C2: variants seen among roughly 807,000 people sequenced by gnomAD.
C2 encodes the protein complement C2.
Under a neutral mutation model 85.2 loss-of-function variants are expected in C2, and 64 were observed. The ratio of observed to expected loss-of-function variants is 0.75; its 90% CI spans 0.61 to 0.92. The LOEUF (loss-of-function observed/expected upper bound fraction) is 0.92, where lower values mean the gene tolerates loss of function less well. C2 is among the 40% of genes least tolerant of loss of function. The pLI is 0.00. For missense variants in C2, 820 were observed against 971.6 expected, an observed-to-expected ratio of 0.84 and a Z score of 2.07; for synonymous variants, 311 against 370.8, an observed-to-expected ratio of 0.84 and a Z score of 1.85.
At chr6:31,900,988 G>A (rs114508013), upstream of C2, 38,544 of 1,614,162 alleles carry the variant, frequency 0.024, 553 homozygotes, top group Non-Finnish European at 0.028. The surrounding 1 kb of genome is among the most constrained non-coding windows in gnomAD (Gnocchi z 9.7). Context: ...GGTAGGAGGC[G>A]GCTGTAAGGT....
At chr6:31,917,317 A>G (rs1366220669), upstream of C2, among the ~76,000 whole-genome samples, 2 of 152,218 alleles carry the variant, frequency 1.3e-5, no homozygotes, top group African/African-American at 4.8e-5. Flanking sequence ...AAAAAATTAA[A>G]TCATGTCCTT....
intron 1 of C2, among the ~76,000 whole-genome samples, chr6:31,912,567 C>T (rs754615576): frequency 2.6e-5 from 4 of 152,128 alleles, no homozygotes; most frequent in East Asian, 1.9e-4. Context: ...AGGCCGGGCA[C>T]GGTGGCTCAC....
intron 9 of C2, among the ~76,000 whole-genome samples, chr6:31,940,624 C>T (rs1362671980): frequency 1.3e-5 from 2 of 152,190 alleles, no homozygotes; most frequent in Admixed American, 6.6e-5. Context: ...TCCCCCATCA[C>T]CTGGCCCTCG....
intron 8 of C2, 69 bp downstream of exon 8, chr6:31,937,528 G>A: frequency 6.3e-7 from 1 of 1,588,144 alleles, no homozygotes; most frequent in Non-Finnish European, 8.6e-7. Flanking sequence ...CAGAAGCCCT[G>A]AATTCTGATT....
chr6:31,901,502 G>A (rs1767265212), intron 1 of C2, among the ~76,000 whole-genome samples: 1 of 151,992 alleles, frequency 6.6e-6, no homozygotes, highest in African/African-American at 2.4e-5. Context: ...GGAGGGAGGC[G>A]TGGTTCTCGG....
intron 1 of C2, among the ~76,000 whole-genome samples, chr6:31,906,481 A>G (rs1169235135): frequency 6.6e-6 from 1 of 151,864 alleles, no homozygotes; most frequent in African/African-American, 2.4e-5. Flanking sequence ...GCCATCGTCC[A>G]AGTCCTCCAC....
At position 31,944,945 on chromosome 6, in the gene C2, A is replaced by G. The variant is rs1372923907; in HGVS notation, c.2030-35A>G. 1 of 1,612,932 alleles carries G rather than the reference A, an allele frequency of 6.2e-7. No individual in the cohort carries two copies. The highest frequency in any genetic ancestry group is 1.1e-5 in the South Asian group (1 of 91,088). On this transcript the variant is annotated intron_variant, in intron 16 of 17. Coordinates refer to ENST00000299367, the MANE Select transcript of C2 (RefSeq NM_000063.6). This position sits in a 1 kb window ranked among gnomAD's most constrained non-coding sequence, Gnocchi z 5.1. ...TGCCAGAACACCAGTCCACTGCCCT[A>G]GATGACACTGTCTCCTGTCACCCTT...
At position 31,933,880 on chromosome 6, in the gene C2, T is replaced by C. The variant is rs372423916; in HGVS notation, c.630T>C (p.Tyr210=). The change falls in exon 5 of 18, where the codon TAT becomes TAC. Residue 210 remains tyrosine (Y), a synonymous_variant. Transcript: ENST00000299367. ...TEPICRQPYS[Y]DFPEDVAPAL... is the part of the protein sequence containing the mutation. ...CTCTCCCCACAGAACCCTACTCTTATGACTTCCCTGAGGACGTGGCCCCTG... is the reference window on the plus strand; with the variant it reads ...CTCTCCCCACAGAACCCTACTCTTACGACTTCCCTGAGGACGTGGCCCCTG... 6.2e-7 allele frequency: 1 copy of C among 1,613,988 alleles called. No individual in the cohort carries two copies. The highest frequency in any genetic ancestry group is 1.3e-5 in the African/African-American group (1 of 74,946).
intron 2 of C2, among the ~76,000 whole-genome samples, 170 bp from the exon 3 acceptor site, chr6:31,928,562 T>C (rs1769454732): frequency 6.6e-6 from 1 of 152,170 alleles, no homozygotes; most frequent in South Asian, 2.1e-4. Flanking sequence ...TTGGCAATAT[T>C]CAATCAGTTG....
intron 1 of C2, among the ~76,000 whole-genome samples, chr6:31,906,544 G>A (rs1260476370): frequency 2.0e-5 from 3 of 151,922 alleles, no homozygotes; most frequent in Admixed American, 2.0e-4. Context: ...AATGGAGGCA[G>A]ATTCTCCCAG....
upstream of C2, among the ~76,000 whole-genome samples, chr6:31,923,169 G>A (rs1769074819): frequency 1.3e-5 from 2 of 152,176 alleles, no homozygotes; most frequent in South Asian, 4.2e-4. Context: ...CGGGAGTGCC[G>A]AGGGGAATAA....
Position 31,914,359 on chromosome 6 carries a change from G to A in C2, c.73+13220G>A, listed in dbSNP as rs528660070. Among the ~76,000 whole-genome samples the A allele has an allele frequency of 4.2e-3, 447 of 105,864 alleles. 2 individuals carry two copies. The highest frequency in any genetic ancestry group is 0.014 in the Middle Eastern group (2 of 142). The allele number at this position is 105,864 out of a possible 152,430, so 69.5% of individuals were successfully genotyped here. A position where few individuals can be genotyped will look rare whatever the true frequency, so the allele number is the denominator to read the frequency against. On this transcript the variant is annotated intron_variant, in intron 1 of 3. Coordinates refer to the C2 transcript ENST00000452202. ...TGTAATCCCAGCACTTTGGGAGGCC[G>A]AGGTGGGCGGATCATGAGGTCAGGA...
At chr6:31,900,530 G>T (rs755968263), upstream of C2, 17 of 1,611,928 alleles carry the variant, frequency 1.1e-5, no homozygotes, top group Non-Finnish European at 1.4e-5. This position sits in a 1 kb window ranked among gnomAD's most constrained non-coding sequence, Gnocchi z 9.7. Context: ...CACACCCTGC[G>T]GTGGGGCTAC....
chr6:31,900,639 G>C, upstream of C2: 1 of 1,612,802 alleles, frequency 6.2e-7, no homozygotes, highest in Non-Finnish European at 8.5e-7. This position sits in a 1 kb window ranked among gnomAD's most constrained non-coding sequence, Gnocchi z 9.7. Flanking sequence ...GGGGGTTTGA[G>C]CCGGTGTGCC....
At chr6:31,915,902 C>T (rs9267673), upstream of C2, among the ~76,000 whole-genome samples, 18,179 of 152,254 alleles carry the variant, frequency 0.12, 1,313 homozygotes, top group South Asian at 0.19. Context: ...TGCCTCAACT[C>T]GGTGTAGCGC....
At position 31,928,037 on chromosome 6, in the gene C2, T is replaced by C; in HGVS notation, c.129T>C (p.Pro43=). The stretch of plus-strand genomic sequence containing the variant: ...TCACCCTCAGCCATGGCTGGGCTCC[T>C]GGGAGCCTTCTCACCTACTCCTGCC... ...GTFTLSHGWA[P]GSLLTYSCPQ... is the part of the protein sequence containing the mutation. The change falls in exon 2 of 18, where the codon CCT becomes CCC. Residue 43 remains proline (P), a synonymous_variant. Coordinates refer to ENST00000299367, the MANE Select transcript of C2 (RefSeq NM_000063.6). 1 of 1,614,186 alleles carries C rather than the reference T, an allele frequency of 6.2e-7. No homozygotes were observed. Among genetic ancestry groups the C allele is most frequent in the Non-Finnish European group, 8.5e-7 (1 of 1,180,018 alleles).
At chr6:31,938,658 A>C (rs1225822033) in intron 8 of C2, among the ~76,000 whole-genome samples, 1 of 151,046 alleles carries the variant, frequency 6.6e-6, no homozygotes. Flanking sequence ...TGCCTGGCTA[A>C]TTTTTATTTT....
upstream of C2, chr6:31,899,940 C>G: frequency 1.3e-6 from 2 of 1,586,490 alleles, no homozygotes; most frequent in Non-Finnish European, 1.7e-6. Flanking sequence ...CGGATGAGGA[C>G]GTTAATCTCG....
At chr6:31,924,636 T>C (rs945362855), upstream of C2, among the ~76,000 whole-genome samples, 3 of 152,146 alleles carry the variant, frequency 2.0e-5, no homozygotes, top group African/African-American at 7.2e-5. Context: ...TGGGAAAAAC[T>C]CATGAAAGAA....
Sources: allele counts gnomAD v4.1 joint callset (sites outside exome capture counted in the v4.1 genomes callset), GRCh38; gene constraint gnomAD v4.1.1; non-coding constraint Gnocchi (gnomAD v3.1); transcripts MANE v1.5; gene names NCBI Gene and HGNC (gene_info 2026-07-23, HGNC 2026-07-21).